The following CAPNS1 variants were observed in gnomAD, a reference collection of about 807,000 sequenced individuals.
CAPNS1 encodes CANP small subunit.
In CAPNS1, 32 loss-of-function variants were observed where a neutral mutation model predicts 39.2. That is an observed-to-expected ratio of 0.82 (90% CI 0.62 to 1.10). The LOEUF is 1.10. CAPNS1 is among the 50% of genes least tolerant of loss of function. The pLI, the probability that CAPNS1 is intolerant of heterozygous loss-of-function variation, is 0.00. For missense variants in CAPNS1, 353 were observed against 373.1 expected (o/e 0.95, Z 0.44); for synonymous variants, 153 against 136.2 (o/e 1.12, Z -0.86).
chr19:36,141,342 A>C (rs1052914399), intron 2 of CAPNS1, 122 bp downstream of exon 2: 2 of 1,379,802 alleles, frequency 1.4e-6, no homozygotes, highest in East Asian at 6.2e-5. Context: ...ACCTGGGTAC[A>C]TGAATTAGGC....
chr19:36,146,356 A>C, intron 9 of CAPNS1, 44 bp downstream of exon 9: 2 of 1,231,560 alleles, frequency 1.6e-6, no homozygotes, highest in Non-Finnish European at 2.4e-6. Flanking sequence ...GATTCCTATG[A>C]CCTCTATGGA....
chr19:36,140,873 C>CA (rs1201374637), intron 1 of CAPNS1, 124 bp from the exon 2 acceptor site: 2 of 1,484,870 alleles, frequency 1.3e-6, no homozygotes, highest in Non-Finnish European at 1.8e-6. Flanking sequence ...CCCGCCCTCG[C>CA]AAACTCAGAC....
At chr19:36,149,545 C>T in intron 9 of CAPNS1, 33 bp from the exon 10 acceptor site, 1 of 1,442,152 alleles carries the variant, frequency 6.9e-7, no homozygotes, top group Non-Finnish European at 9.1e-7. Flanking sequence ...TCCTTCCTTC[C>T]CTGCCGCCAA....
Position 36,141,104 on chromosome 19 carries a change from C to A in CAPNS1, c.93C>A (p.Gly31=). The change falls in exon 2 of 11, where the codon GGC becomes GGA. Residue 31 remains glycine (G), a synonymous_variant. Transcript: ENST00000246533. ...LGGGLGNVLG[G]LISGAGGGGG... The stretch of plus-strand genomic sequence containing the variant: ...GGGGCCTGGGAAATGTGCTTGGAGG[C>A]CTGATCAGCGGGGCCGGGGGCGGCG... 1 of 1,423,060 alleles carries A rather than the reference C, an allele frequency of 7.0e-7. No individual in the cohort carries two copies. Among genetic ancestry groups the A allele is most frequent in the Non-Finnish European group, 9.2e-7 (1 of 1,085,612 alleles). The allele number at this position is 1,423,060 out of a possible 1,614,324, so 88.2% of individuals were successfully genotyped here.
rs550053789 is a variant in CAPNS1 at position 36,141,122 on chromosome 19, G to C, written c.111G>C (p.Gly37=). The C allele has an allele frequency of 7.6e-7, 1 of 1,321,524 alleles. No individual in the cohort carries two copies. The allele number at this position is 1,321,524 out of a possible 1,614,324, so 81.9% of individuals were successfully genotyped here. A position where few individuals can be genotyped will look rare whatever the true frequency, so the allele number is the denominator to read the frequency against. The change falls in exon 2 of 11, where the codon GGG becomes GGC. Residue 37 remains glycine, a synonymous_variant. Coordinates refer to ENST00000246533, the MANE Select transcript of CAPNS1 (RefSeq NM_001749.4). ...NVLGGLISGA[G]GGGGGGGGGG... is the part of the protein sequence containing the mutation. The stretch of plus-strand genomic sequence containing the variant: ...TTGGAGGCCTGATCAGCGGGGCCGG[G>C]GGCGGCGGCGGCGGCGGCGGCGGCG...
rs745944529 is a variant in CAPNS1, at chr19:36,150,248, G to C, written c.*409G>C. On this transcript the variant is annotated 3_prime_UTR_variant, in exon 11 of 11. Transcript: ENST00000246533. ...TCACGGTTGCTACCCAGGCGGCCAA[G>C]CTCCAGACCGTGCCAGACCCAGGTG... is the stretch of plus-strand genomic sequence containing the variant. 6 of 178,702 alleles carry C rather than the reference G, an allele frequency of 3.4e-5. No individual in the cohort carries two copies. Among genetic ancestry groups the C allele is most frequent in the Non-Finnish European group, 7.0e-5 (6 of 86,192 alleles). The allele number at this position is 178,702 out of a possible 1,614,324, so 11.1% of individuals were successfully genotyped here.
rs745917979 is a variant in CAPNS1 at position 36,141,011 on chromosome 19, C to A, written c.-1C>A. On this transcript the variant is annotated 5_prime_UTR_variant, in exon 2 of 11. Transcript: ENST00000246533. ...TTTCCCCCCAGCAGTGAGTCGCAGC[C>A]ATGTTCCTGGTTAACTCGTTCTTGA... The A allele has an allele frequency of 6.3e-7, 1 of 1,582,160 alleles. No homozygotes were observed. Among genetic ancestry groups the A allele is most frequent in the East Asian group, 2.5e-5 (1 of 40,700 alleles).
chr19:36,149,718 C>G (rs748228998), intron 10 of CAPNS1, 82 bp downstream of exon 10: 1 of 1,591,302 alleles, frequency 6.3e-7, no homozygotes, highest in South Asian at 1.1e-5. Context: ...GCTGCAGTCC[C>G]CTTCCTCCTA....
At chr19:36,143,168 A>AT (rs1974443606) in intron 6 of CAPNS1, 40 bp downstream of exon 6, 1 of 1,589,526 alleles carries the variant, frequency 6.3e-7, no homozygotes, top group Non-Finnish European at 8.6e-7. Flanking sequence ...CTGGGTGGAC[A>AT]GAGAGTTTTT....
intron 9 of CAPNS1, among the ~76,000 whole-genome samples, chr19:36,148,718 C>CA (rs991228421): frequency 4.6e-5 from 7 of 151,526 alleles, no homozygotes; most frequent in Non-Finnish European, 8.8e-5. Context: ...GAGGCTGAGG[C>CA]AGGAGAATCA....
intron 6 of CAPNS1, 118 bp downstream of exon 6, chr19:36,143,246 A>G: frequency 1.1e-6 from 1 of 879,544 alleles, no homozygotes; most frequent in East Asian, 2.4e-5. Flanking sequence ...ATTCATCAGA[A>G]CACAGTCACC....
intron 6 of CAPNS1, among the ~76,000 whole-genome samples, chr19:36,145,203 CTTTT>C (rs5827950): frequency 3.4e-5 from 4 of 118,296 alleles, no homozygotes; most frequent in Admixed American, 1.0e-4. Context: ...TTTTCTTTCT[CTTTT>C]TTTTTTTTTT....
chr19:36,142,623 C>G, intron 3 of CAPNS1, 29 bp from the exon 4 acceptor site: 3 of 1,602,272 alleles, frequency 1.9e-6, no homozygotes, highest in Non-Finnish European at 2.6e-6. Flanking sequence ...GTTCCCCTCC[C>G]CCTGCTCTGA....
At chr19:36,143,173 G>GT (rs1387121527) in intron 6 of CAPNS1, 45 bp downstream of exon 6, 5 of 1,569,522 alleles carry the variant, frequency 3.2e-6, no homozygotes, top group South Asian at 2.2e-5. Context: ...TGGACAGAGA[G>GT]TTTTTTGAGA....
intron 3 of CAPNS1, 37 bp downstream of exon 3, chr19:36,142,370 C>A: frequency 2.4e-6 from 3 of 1,252,350 alleles, no homozygotes; most frequent in Non-Finnish European, 3.4e-6. Context: ...CTTCTCCTGC[C>A]AAGGCCTCTT....
Position 36,146,300 on chromosome 19 carries a change from G to T in CAPNS1, c.709G>T (p.Asp237Tyr). Residue 237 changes from aspartate to tyrosine, a missense_variant, in exon 9 of 11, where the codon GAC (aspartate) becomes TAC (tyrosine). Coordinates refer to ENST00000246533, the MANE Select transcript of CAPNS1 (RefSeq NM_001749.4). ...CTTCATCAGCTGCTTGGTCAGGCTG[G>T]ACGCCATGTTCCGTGAGTGACAACC... Reference protein sequence around the residue: ...DNFISCLVRLDAMFRAFKSLD... With the variant: ...DNFISCLVRLYAMFRAFKSLD... The T allele has an allele frequency of 6.2e-7, 1 of 1,611,470 alleles. No individual in the cohort carries two copies. Among genetic ancestry groups the T allele is most frequent in the Non-Finnish European group, 8.5e-7 (1 of 1,177,638 alleles).
At position 36,149,642 on chromosome 19, in the gene CAPNS1, G is replaced by A; in HGVS notation, c.780+6G>A. The A allele has an allele frequency of 6.4e-7, 1 of 1,574,786 alleles. No individual in the cohort carries two copies. The highest frequency in any genetic ancestry group is 8.6e-7 in the Non-Finnish European group (1 of 1,160,398). On this transcript the variant is annotated splice_donor_region_variant and intron_variant, in intron 10 of 10. Transcript: ENST00000246533. ...TCCAGGTGAACATCCAGGAGGTAAG[G>A]ACCCCCATATTGGGGTATGGGTGCC...
At position 36,141,120 on chromosome 19, in the gene CAPNS1, G is replaced by A. The variant is rs1437427743; in HGVS notation, c.109G>A (p.Gly37Arg). 2 of 1,376,960 alleles carry A rather than the reference G, an allele frequency of 1.5e-6. No homozygotes were observed. The highest frequency in any genetic ancestry group is 1.7e-5 in the South Asian group (1 of 58,462). The allele number at this position is 1,376,960 out of a possible 1,614,324, so 85.3% of individuals were successfully genotyped here. A position where few individuals can be genotyped will look rare whatever the true frequency, so the allele number is the denominator to read the frequency against. ...GCTTGGAGGCCTGATCAGCGGGGCCGGGGGCGGCGGCGGCGGCGGCGGCGG... is the reference window on the plus strand; with the variant it reads ...GCTTGGAGGCCTGATCAGCGGGGCCAGGGGCGGCGGCGGCGGCGGCGGCGG... ...NVLGGLISGA[G>R]GGGGGGGGGG... Residue 37 changes from glycine to arginine, a missense_variant, in exon 2 of 11, where the codon GGG (glycine) becomes AGG (arginine). Physicochemically the swap from Gly to Arg is moderately radical, Grantham distance 125 (BLOSUM62 -2). Transcript: ENST00000246533.
rs759165933 is a variant in CAPNS1 at position 36,141,125 on chromosome 19, C to A, written c.114C>A (p.Gly38=). The A allele has an allele frequency of 2.2e-5, 25 of 1,151,170 alleles. No individual in the cohort carries two copies. In the African/African-American group the frequency reaches 3.0e-4, roughly 14 times the overall value. 71.3% of individuals were successfully genotyped at this position (1,151,170 alleles called of 1,614,324 possible). A position where few individuals can be genotyped will look rare whatever the true frequency, so the allele number is the denominator to read the frequency against. Reference sequence around the variant, plus strand: ...GAGGCCTGATCAGCGGGGCCGGGGGCGGCGGCGGCGGCGGCGGCGGCGGCG... The same window carrying A: ...GAGGCCTGATCAGCGGGGCCGGGGGAGGCGGCGGCGGCGGCGGCGGCGGCG... The part of the protein sequence containing the change: ...VLGGLISGAG[G]GGGGGGGGGG... The change falls in exon 2 of 11, where the codon GGC becomes GGA. Residue 38 remains glycine (G), a synonymous_variant. Transcript: ENST00000246533.
Sources: allele counts gnomAD v4.1 joint callset (sites outside exome capture counted in the v4.1 genomes callset), GRCh38; gene constraint gnomAD v4.1.1; transcripts MANE v1.5; gene names NCBI Gene and HGNC (gene_info 2026-07-23, HGNC 2026-07-21).